The following TMEM47 variants were observed in gnomAD, a reference collection of about 807,000 sequenced individuals.
TMEM47 encodes transmembrane protein 47, also known as brain cell membrane protein 1.
TMEM47 carries 3 observed loss-of-function variants against 12.4 expected under a neutral mutation model. The ratio of observed to expected loss-of-function variants is 0.24; its 90% confidence interval spans 0.11 to 0.63. The LOEUF (loss-of-function observed/expected upper bound fraction) is 0.63. Among genes scored for constraint, TMEM47 ranks in the 20% least tolerant of loss-of-function variants. The probability of loss-of-function intolerance (pLI) is 0.86; values close to 1 mark genes in which losing one functional copy is unlikely to be tolerated. For missense variants in TMEM47, 89 were observed against 143.8 expected (o/e 0.62, Z 1.95); for synonymous variants, 62 against 63.3 (o/e 0.98, Z 0.10).
chrX:34,637,804 A>G (rs1287653597), intron 2 of TMEM47, among the ~76,000 whole-genome samples: 1 of 111,482 alleles, frequency 9.0e-6, no homozygotes, highest in Non-Finnish European at 1.9e-5. Context: ...AAGCGGTAGT[A>G]GTAATGTGTC....
chrX:34,649,393 T>C (rs1318021305), intron 1 of TMEM47, among the ~76,000 whole-genome samples: 2 of 111,544 alleles, frequency 1.8e-5, no homozygotes, highest in African/African-American at 3.3e-5. Flanking sequence ...GTCATGCATA[T>C]TGTGGGAACA....
At chrX:34,641,649 C>CA (rs754617671) in intron 1 of TMEM47, among the ~76,000 whole-genome samples, 1 of 111,443 alleles carries the variant, frequency 9.0e-6, no homozygotes, top group Non-Finnish European at 1.9e-5. Flanking sequence ...TAAATATCCT[C>CA]AAAAAAATAG....
intron 2 of TMEM47, among the ~76,000 whole-genome samples, chrX:34,637,778 G>A (rs1187042685): frequency 9.0e-6 from 1 of 111,487 alleles, no homozygotes; most frequent in African/African-American, 3.3e-5. Flanking sequence ...GTGAAGTCTC[G>A]GATAGAGATG....
chrX:34,635,876 G>T (rs1460231121), intron 2 of TMEM47, among the ~76,000 whole-genome samples: 1 of 111,401 alleles, frequency 9.0e-6, no homozygotes, highest in African/African-American at 3.3e-5. Context: ...AAGGTTGATA[G>T]GCCCTACCAG....
intron 1 of TMEM47, among the ~76,000 whole-genome samples, chrX:34,652,374 G>C (rs1253148737): frequency 3.6e-5 from 4 of 112,160 alleles, no homozygotes; most frequent in Admixed American, 1.9e-4. Context: ...TATGGTCTCT[G>C]CAAGTGGTCT....
At chrX:34,631,014 T>C (rs977154038) in intron 2 of TMEM47, among the ~76,000 whole-genome samples, 4 of 105,563 alleles carry the variant, frequency 3.8e-5, no homozygotes, top group African/African-American at 6.9e-5. Flanking sequence ...CTACTAAAAA[T>C]ACAAAAATTA....
At chrX:34,632,804 G>A (rs1338649811) in intron 2 of TMEM47, among the ~76,000 whole-genome samples, 2 of 111,766 alleles carry the variant, frequency 1.8e-5, no homozygotes, top group Non-Finnish European at 3.8e-5. Flanking sequence ...GTGCTAAAAT[G>A]TGCATTAATT....
intron 1 of TMEM47, among the ~76,000 whole-genome samples, chrX:34,651,013 T>C (rs747239171): frequency 3.6e-5 from 4 of 111,425 alleles, no homozygotes; most frequent in Non-Finnish European, 5.6e-5. Context: ...GTTGTTGTTC[T>C]TCAAAGGCAA....
rs1174344492 is a variant in TMEM47, at chrX:34,627,327, T to G, written c.*2986A>C. ...ACAGAAACTAATAGCATAAACAGCA[T>G]GAAGTATATTTTACTTTTAAGACAG... On this transcript the variant is annotated 3_prime_UTR_variant, in exon 3 of 3. Transcript: ENST00000275954. 1 of 112,094 alleles carries G rather than the reference T, an allele frequency of 8.9e-6. No homozygotes were observed. The highest frequency in any genetic ancestry group is 3.2e-5 in the African/African-American group (1 of 30,821). The allele number at this position is 112,094 out of a possible 1,213,427, so 9.2% of individuals were successfully genotyped here.
chrX:34,637,323 T>G (rs1251222617), intron 2 of TMEM47, among the ~76,000 whole-genome samples: 1 of 109,317 alleles, frequency 9.1e-6, no homozygotes, highest in Admixed American at 9.8e-5. Context: ...ATAAAAGACC[T>G]CAGAGAAAAA....
At position 34,656,794 on chromosome X, in the gene TMEM47, A is replaced by T; in HGVS notation, c.226+10T>A. ...CGGGAGGCAGGGGTCGCGGCGCGCC[A>T]GGCCCTCACCGCTGCTGAGCGTGGA... On this transcript the variant is annotated intron_variant, in intron 1 of 2. Transcript: ENST00000275954. 8.6e-7 allele frequency: 1 copy of T among 1,163,383 alleles called. No homozygotes were observed. Among genetic ancestry groups the T allele is most frequent in the Non-Finnish European group, 1.1e-6 (1 of 871,596 alleles).
Position 34,632,166 on chromosome X carries a change from T to C in TMEM47, c.368-1675A>G, listed in dbSNP as rs1252738542. On this transcript the variant is annotated intron_variant, in intron 2 of 2. Transcript: ENST00000275954. ...CCTTAACAAAAAAAGTTTGCTAACCTCTGATATATGAAATAATTTTAGGGG... is the reference window on the plus strand; with the variant it reads ...CCTTAACAAAAAAAGTTTGCTAACCCCTGATATATGAAATAATTTTAGGGG... 7.2e-5 allele frequency among the ~76,000 whole-genome samples: 8 copies of C among 111,855 alleles called. No homozygotes were observed. In the Admixed American group the frequency reaches 7.6e-4, roughly 11 times the overall value.
chrX:34,631,732 T>G (rs1386550541), intron 2 of TMEM47, among the ~76,000 whole-genome samples: 2 of 112,183 alleles, frequency 1.8e-5, no homozygotes, highest in South Asian at 3.7e-4. Flanking sequence ...TTTGTTTTGT[T>G]TTGTGTTGTT....
At chrX:34,650,877 T>C (rs1922006150) in intron 1 of TMEM47, among the ~76,000 whole-genome samples, 1 of 111,862 alleles carries the variant, frequency 8.9e-6, no homozygotes, top group South Asian at 3.8e-4. Context: ...TAACCAGTCA[T>C]TAAAGCCATA....
intron 1 of TMEM47, among the ~76,000 whole-genome samples, chrX:34,648,316 C>T (rs1270291155): frequency 8.9e-6 from 1 of 111,891 alleles, no homozygotes; most frequent in Non-Finnish European, 1.9e-5. Context: ...ACTAAAAGAG[C>T]ATGGTACTAG....
chrX:34,645,351 G>T (rs1310807425), intron 1 of TMEM47, among the ~76,000 whole-genome samples: 1 of 111,740 alleles, frequency 8.9e-6, no homozygotes, highest in Admixed American at 9.5e-5. Context: ...TTATTTTCAC[G>T]AAATGTAACT....
chrX:34,645,189 G>A (rs1362938716), intron 1 of TMEM47, among the ~76,000 whole-genome samples: 1 of 111,492 alleles, frequency 9.0e-6, no homozygotes, highest in Non-Finnish European at 1.9e-5. Context: ...TCAGGAACCG[G>A]AAATAGTAGG....
intron 2 of TMEM47, among the ~76,000 whole-genome samples, chrX:34,638,648 T>C (rs1318053939): frequency 1.8e-5 from 2 of 112,115 alleles, no homozygotes; most frequent in Non-Finnish European, 3.8e-5. Flanking sequence ...CATCAAATCA[T>C]GTATTGGGCT....
At chrX:34,652,650 C>G (rs1432109351) in intron 1 of TMEM47, among the ~76,000 whole-genome samples, 1 of 111,502 alleles carries the variant, frequency 9.0e-6, no homozygotes, top group Non-Finnish European at 1.9e-5. Flanking sequence ...AAAAGTAAAT[C>G]TAAGGAACCT....
Sources: allele counts gnomAD v4.1 joint callset (sites outside exome capture counted in the v4.1 genomes callset), GRCh38; gene constraint gnomAD v4.1.1; transcripts MANE v1.5; gene names NCBI Gene and HGNC (gene_info 2026-07-23, HGNC 2026-07-21).